TTC17: variants seen among roughly 807,000 people sequenced by gnomAD.
The protein encoded by TTC17 is tetratricopeptide repeat protein 17.
A neutral mutation model predicts 143.8 loss-of-function variants in TTC17; 58 were observed. The observed-to-expected ratio is 0.40, with a 90% CI of 0.33 to 0.50. The LOEUF (loss-of-function observed/expected upper bound fraction) is 0.50. Among genes scored for constraint, TTC17 ranks in the 20% least tolerant of loss-of-function variants. The pLI, the probability that TTC17 is intolerant of heterozygous loss-of-function variation, is 0.49. For missense variants in TTC17, 1,273 were observed against 1,392.5 expected, an observed-to-expected ratio of 0.91 and a Z score of 1.37; for synonymous variants, 501 against 497.8, an observed-to-expected ratio of 1.01 and a Z score of -0.09.
At position 43,407,423 on chromosome 11, in the gene TTC17, T is replaced by C. The variant is rs1440202200; in HGVS notation, c.1910T>C (p.Phe637Ser). ...TGGAGAGCAGTAGGAAATAGCACTT[T>C]TGCTATTGCCTGTCTTCAGAGGGCT... ...LYWRAVGNST[F>S]AIACLQRALN... Residue 637 changes from phenylalanine to serine, a missense_variant, in exon 15 of 24, where the codon TTT becomes TCT. Phe to Ser is a radical substitution (Grantham distance 155). This residue lies in a region of TTC17 where 878 missense variants were observed against 899.8 expected (regional missense o/e 0.98). Coordinates refer to ENST00000039989, the MANE Select transcript of TTC17 (RefSeq NM_018259.6). The C allele has an allele frequency of 5.6e-6, 9 of 1,614,074 alleles. No homozygotes were observed. The highest frequency in any genetic ancestry group is 2.2e-5 in the East Asian group (1 of 44,864).
intron 16 of TTC17, among the ~76,000 whole-genome samples, chr11:43,416,280 CT>C (rs1946777405): frequency 6.6e-6 from 1 of 152,016 alleles, no homozygotes; most frequent in Non-Finnish European, 1.5e-5. Context: ...TTTCAATGAG[CT>C]TTTTATATTA....
At chr11:43,407,309 G>C in intron 14 of TTC17, 44 bp from the exon 15 acceptor site, 9 of 1,596,222 alleles carry the variant, frequency 5.6e-6, no homozygotes, top group Non-Finnish European at 7.7e-6. Flanking sequence ...TTTAGAACAA[G>C]TACTGTATTC....
chr11:43,436,895 T>G (rs1013968236), intron 16 of TTC17, among the ~76,000 whole-genome samples: 2 of 152,228 alleles, frequency 1.3e-5, no homozygotes, highest in African/African-American at 4.8e-5. Context: ...CTCTTAGCTT[T>G]CTTCTATCCA....
chr11:43,362,434 C>A (rs911456182), intron 1 of TTC17, among the ~76,000 whole-genome samples: 1 of 152,156 alleles, frequency 6.6e-6, no homozygotes, highest in African/African-American at 2.4e-5. Context: ...CAGTTACATA[C>A]CGCAGACTTG....
chr11:43,489,206 A>G (rs778119033), intron 21 of TTC17, among the ~76,000 whole-genome samples: 1 of 152,232 alleles, frequency 6.6e-6, no homozygotes, highest in Non-Finnish European at 1.5e-5. Context: ...CCAACAGACA[A>G]GACAAAAACC....
intron 1 of TTC17, among the ~76,000 whole-genome samples, chr11:43,365,098 G>A (rs531047597): frequency 2.6e-5 from 4 of 151,986 alleles, no homozygotes; most frequent in South Asian, 2.1e-4. Context: ...CACCACGCCC[G>A]GCCATAATGT....
chr11:43,366,859 C>T (rs1031205193), intron 1 of TTC17, among the ~76,000 whole-genome samples: 2 of 152,142 alleles, frequency 1.3e-5, no homozygotes, highest in Admixed American at 6.5e-5. Flanking sequence ...CCCAAATATG[C>T]CGTGTTCTCA....
chr11:43,446,488 C>G, intron 18 of TTC17: 2 of 393,308 alleles, frequency 5.1e-6, no homozygotes, highest in Non-Finnish European at 6.9e-6. Context: ...CCCCTTATAA[C>G]AGGTGCTCAA....
chr11:43,490,879 A>C (rs999728920), intron 22 of TTC17: 106 of 151,424 alleles, frequency 7.0e-4, no homozygotes, highest in African/African-American at 2.5e-3. Context: ...AAAAAAAAAA[A>C]AAACCGGCTA....
intron 16 of TTC17, among the ~76,000 whole-genome samples, chr11:43,441,380 G>T (rs190460294): frequency 1.3e-5 from 2 of 150,550 alleles, no homozygotes; most frequent in Admixed American, 6.6e-5. Context: ...GAAGCATTTT[G>T]TGATTACATG....
At chr11:43,394,539 A>G (rs1435218866) in intron 5 of TTC17, among the ~76,000 whole-genome samples, 2 of 152,186 alleles carry the variant, frequency 1.3e-5, no homozygotes, top group African/African-American at 4.8e-5. Flanking sequence ...GAAGCAGATG[A>G]GTTAGATATG....
chr11:43,383,759 G>T (rs1857065845), intron 2 of TTC17, among the ~76,000 whole-genome samples: 1 of 152,090 alleles, frequency 6.6e-6, no homozygotes, highest in East Asian at 1.9e-4. Flanking sequence ...TTTTACATGT[G>T]ATAGTGGTGT....
At chr11:43,445,208 A>G (rs546165584) in intron 18 of TTC17, among the ~76,000 whole-genome samples, 2 of 152,276 alleles carry the variant, frequency 1.3e-5, no homozygotes, top group South Asian at 2.1e-4. Context: ...CATCAACTAC[A>G]TTTTTTTCAC....
intron 1 of TTC17, among the ~76,000 whole-genome samples, chr11:43,361,459 C>G (rs1179306897): frequency 6.6e-6 from 1 of 152,170 alleles, no homozygotes; most frequent in Non-Finnish European, 1.5e-5. Context: ...TTAGCCTAAC[C>G]TACCTTAAAC....
chr11:43,447,228 T>A (rs1206771278), intron 18 of TTC17, among the ~76,000 whole-genome samples: 1 of 151,736 alleles, frequency 6.6e-6, no homozygotes, highest in Non-Finnish European at 1.5e-5. Context: ...CCACATGAGG[T>A]TAAAAAAAGA....
At chr11:43,493,479 A>G (rs1309046857) in intron 23 of TTC17, among the ~76,000 whole-genome samples, 1 of 152,116 alleles carries the variant, frequency 6.6e-6, no homozygotes, top group East Asian at 1.9e-4. Flanking sequence ...CATTATTACC[A>G]CAATTATTAC....
chr11:43,490,369 C>CTCAGAA lies in TTC17; in HGVS notation c.3150+12_3150+17dup. 6.3e-7 allele frequency: 1 copy of CTCAGAA among 1,589,460 alleles called. No homozygotes were observed. The highest frequency in any genetic ancestry group is 8.6e-7 in the Non-Finnish European group (1 of 1,163,748). On this transcript the variant is annotated intron_variant, in intron 22 of 23. Coordinates refer to ENST00000039989, the MANE Select transcript of TTC17 (RefSeq NM_018259.6). The stretch of plus-strand genomic sequence containing the variant: ...CCACACCAGATGAAGGTGAGTGGGA[C>CTCAGAA]TCAGAAGGTGGGAACTTCTGCCCCT...
At chr11:43,388,376 CAT>C (rs1397399870) in intron 2 of TTC17, among the ~76,000 whole-genome samples, 3 of 150,016 alleles carry the variant, frequency 2.0e-5, no homozygotes, top group Non-Finnish European at 3.0e-5. Context: ...TTTTGATACA[CAT>C]ATAATGAAAG....
intron 2 of TTC17, among the ~76,000 whole-genome samples, chr11:43,388,348 G>A (rs934054982): frequency 2.2e-4 from 33 of 151,814 alleles, no homozygotes; most frequent in Non-Finnish European, 5.9e-5. Flanking sequence ...AACTTACAAA[G>A]CAATGCTGTA....
Sources: allele counts gnomAD v4.1 joint callset (sites outside exome capture counted in the v4.1 genomes callset), GRCh38; gene constraint gnomAD v4.1.1; regional missense constraint gnomAD v4.1.1; transcripts MANE v1.5; gene names NCBI Gene and HGNC (gene_info 2026-07-23, HGNC 2026-07-21).